Variants in KIF6 observed in about 807,000 individuals in gnomAD.
KIF6 encodes kinesin family member 6.
Under a neutral mutation model 112.7 loss-of-function variants are expected in KIF6, and 106 were observed. The ratio of observed to expected loss-of-function variants is 0.94; its 90% CI spans 0.80 to 1.11. The LOEUF is 1.11. Ranked by LOEUF, KIF6 falls within the 50% of genes least tolerant of loss-of-function variation. KIF6 has a pLI of 0.00. For synonymous variants in KIF6, 339 were observed against 339.9 expected (o/e 1.00, Z 0.03); for missense variants, 929 against 964.0 (o/e 0.96, Z 0.48).
chr6:39,499,492 G>T (rs1775984922), intron 13 of KIF6, among the ~76,000 whole-genome samples: 1 of 152,060 alleles, frequency 6.6e-6, no homozygotes, highest in Non-Finnish European at 1.5e-5. Context: ...GTAGGAGTAT[G>T]GCATATCTGA....
At chr6:39,536,542 A>G (rs1254359858) in intron 13 of KIF6, among the ~76,000 whole-genome samples, 4 of 152,114 alleles carry the variant, frequency 2.6e-5, no homozygotes, top group Non-Finnish European at 4.4e-5. Flanking sequence ...GAATAGACCA[A>G]TAACAGGAGC....
intron 3 of KIF6, 33 bp downstream of exon 3, chr6:39,714,659 C>A (rs781090271): frequency 4.7e-6 from 7 of 1,498,390 alleles, no homozygotes; most frequent in Non-Finnish European, 6.5e-6. Flanking sequence ...TGAAAAACCA[C>A]GAGCCCACTG....
intron 3 of KIF6, among the ~76,000 whole-genome samples, chr6:39,666,871 TTC>T (rs1220271662): frequency 1.3e-5 from 2 of 152,200 alleles, no homozygotes; most frequent in Non-Finnish European, 2.9e-5. Flanking sequence ...TGTAAATATA[TTC>T]TGTCTATCTG....
chr6:39,670,076 C>T (rs1335458284), intron 3 of KIF6, among the ~76,000 whole-genome samples: 1 of 152,174 alleles, frequency 6.6e-6, no homozygotes, highest in Non-Finnish European at 1.5e-5. Flanking sequence ...ACGCCCTGAG[C>T]AGTCCATGAA....
intron 6 of KIF6, among the ~76,000 whole-genome samples, chr6:39,603,338 A>C (rs1189730797): frequency 6.6e-6 from 1 of 152,126 alleles, no homozygotes; most frequent in East Asian, 1.9e-4. Context: ...GCCTGGATTG[A>C]GGCCAGGAGA....
intron 16 of KIF6, among the ~76,000 whole-genome samples, chr6:39,372,996 C>T (rs180948716): frequency 1.6e-4 from 25 of 152,110 alleles, no homozygotes; most frequent in African/African-American, 5.1e-4. Flanking sequence ...TAGGAAACAC[C>T]GAGGCCTTTC....
chr6:39,339,947 G>A (rs554674705), intron 22 of KIF6, among the ~76,000 whole-genome samples: 2 of 152,196 alleles, frequency 1.3e-5, no homozygotes, highest in African/African-American at 2.4e-5. Context: ...CCAAGGCAGC[G>A]CTGTGAGCTA....
intron 3 of KIF6, among the ~76,000 whole-genome samples, chr6:39,711,260 T>G (rs1392821076): frequency 1.5e-5 from 1 of 67,850 alleles, no homozygotes; most frequent in Non-Finnish European, 3.3e-5. Flanking sequence ...AAAAAAATCC[T>G]AAAAACACCT....
At chr6:39,580,044 T>G (rs560765699) in intron 9 of KIF6, among the ~76,000 whole-genome samples, 1 of 152,000 alleles carries the variant, frequency 6.6e-6, no homozygotes, top group African/African-American at 2.4e-5. Context: ...TACCAAAGGC[T>G]CTCCTCAAAT....
chr6:39,623,415 C>T (rs533029723), intron 5 of KIF6, among the ~76,000 whole-genome samples: 1 of 152,286 alleles, frequency 6.6e-6, no homozygotes, highest in East Asian at 1.9e-4. Flanking sequence ...CACTCAGAAA[C>T]AGATTAATAA....
At position 39,408,072 on chromosome 6, in the gene KIF6, A is replaced by G. The variant is rs115419918; in HGVS notation, c.1810+11876T>C. Among the ~76,000 whole-genome samples the G allele has an allele frequency of 8.5e-3, 1,290 of 152,342 alleles. 16 individuals are homozygous for G. The highest frequency in any genetic ancestry group is 0.029 in the African/African-American group (1,187 of 41,582). ...ACACAAAGAGCTCCTACAACTCAGAAAGAGAAATTCAACTAACCAATGGGC... is the reference window on the plus strand; with the variant it reads ...ACACAAAGAGCTCCTACAACTCAGAGAGAGAAATTCAACTAACCAATGGGC... On this transcript the variant is annotated intron_variant, in intron 15 of 22. Coordinates refer to ENST00000287152, the MANE Select transcript of KIF6 (RefSeq NM_145027.6).
chr6:39,711,103 T>G (rs1210814055), intron 3 of KIF6, among the ~76,000 whole-genome samples: 1 of 149,960 alleles, frequency 6.7e-6, no homozygotes, highest in African/African-American at 2.4e-5. Context: ...AAGAAAGAAT[T>G]TTTTTTAATT....
Position 39,540,144 on chromosome 6 carries a change from C to T in KIF6, c.1504G>A (p.Glu502Lys), listed in dbSNP as rs1465199913. Reference sequence around the variant, plus strand: ...GGTGGGCTCTGGGACTGTCTGAATTCACGTCTATCCATGCCAGCCAAGTGG... The same window carrying T: ...GGTGGGCTCTGGGACTGTCTGAATTTACGTCTATCCATGCCAGCCAAGTGG... The part of the protein sequence containing the change: ...ALHLAGMDRR[E>K]FRQSQSPPFR... The change falls in exon 13 of 23, where the codon GAA becomes AAA. Residue 502 changes from glutamate (E) to lysine (K), a missense_variant. Transcript: ENST00000287152. The T allele has an allele frequency of 8.7e-6, 14 of 1,614,036 alleles. No homozygotes were observed. The highest frequency in any genetic ancestry group is 1.2e-5 in the Non-Finnish European group (14 of 1,180,022).
chr6:39,660,116 G>C (rs1364441074), intron 3 of KIF6, among the ~76,000 whole-genome samples: 2 of 152,180 alleles, frequency 1.3e-5, no homozygotes, highest in Non-Finnish European at 2.9e-5. Context: ...TTTGAAACCA[G>C]CCTGGGCAAC....
At chr6:39,605,853 T>C (rs186829923) in intron 6 of KIF6, among the ~76,000 whole-genome samples, 115 of 152,254 alleles carry the variant, frequency 7.6e-4, no homozygotes, top group African/African-American at 2.4e-3. Flanking sequence ...GTAACTTCAA[T>C]AGAGGATGTC....
intron 3 of KIF6, among the ~76,000 whole-genome samples, chr6:39,709,619 A>C (rs1789422882): frequency 6.6e-6 from 1 of 152,238 alleles, no homozygotes; most frequent in African/African-American, 2.4e-5. Flanking sequence ...GAAGTAGAAA[A>C]GATGTCTAAA....
chr6:39,513,572 T>A (rs1000087808), intron 13 of KIF6, among the ~76,000 whole-genome samples: 1 of 152,208 alleles, frequency 6.6e-6, no homozygotes, highest in African/African-American at 2.4e-5. Context: ...TTCCATCTAG[T>A]CTGGAAGTGT....
At chr6:39,510,094 CTTTTT>C (rs70984130) in intron 13 of KIF6, among the ~76,000 whole-genome samples, 1 of 131,554 alleles carries the variant, frequency 7.6e-6, no homozygotes. Flanking sequence ...CTTTTCTTTT[CTTTTT>C]TTTTTTTTTT....
chr6:39,377,349 T>TCCCCCCTCCCCCCCCCCCCCCCCCCC (rs1766520155), intron 16 of KIF6, among the ~76,000 whole-genome samples: 1 of 139,498 alleles, frequency 7.2e-6, no homozygotes, highest in Non-Finnish European at 1.5e-5. Flanking sequence ...GTGCCTGCCC[T>TCCCCCCTCCCCCCCCCCCCCCCCCCC]GCCGTCCCCC....
Sources: gnomAD v4.1 joint callset for allele counts (sites outside exome capture counted in the v4.1 genomes callset) on GRCh38, gnomAD v4.1.1 for gene constraint, MANE v1.5 for transcripts, NCBI Gene and HGNC (gene_info 2026-07-23, HGNC 2026-07-21) for gene names.